Variants in R3HDM2 observed in about 807,000 individuals in gnomAD.
The protein encoded by R3HDM2 is R3H domain containing 2, also known as R3H domain-containing protein 2.
A neutral mutation model predicts 124.5 loss-of-function variants in R3HDM2; 38 were observed. The ratio of observed to expected loss-of-function variants is 0.31; its 90% CI spans 0.24 to 0.40. The LOEUF (loss-of-function observed/expected upper bound fraction) is 0.40, where lower values mean the gene tolerates loss of function less well. R3HDM2 is among the 10% of genes least tolerant of loss of function. R3HDM2 has a pLI of 1.00. For synonymous variants in R3HDM2, 391 were observed against 448.0 expected, an observed-to-expected ratio of 0.87 and a Z score of 1.61; for missense variants, 869 against 1,236.9, an observed-to-expected ratio of 0.70 and a Z score of 4.46.
At chr12:57,310,760 G>C (rs1202538424) in intron 2 of R3HDM2, among the ~76,000 whole-genome samples, 1 of 152,084 alleles carries the variant, frequency 6.6e-6, no homozygotes. Flanking sequence ...TGCCCCAAAG[G>C]TTCCTCATGT....
intron 1 of R3HDM2, among the ~76,000 whole-genome samples, chr12:57,423,848 C>T (rs189619345): frequency 0.014 from 1,885 of 134,664 alleles, 42 homozygotes; most frequent in African/African-American, 0.051. Context: ...GGTGCAGTGG[C>T]TTACACCTGT....
In R3HDM2 at chr12:57,253,798, C is replaced by T. The variant is rs2038122601; in HGVS notation, c.*975G>A. On this transcript the variant is annotated 3_prime_UTR_variant, in exon 24 of 24. Coordinates refer to ENST00000402412, the MANE Select transcript of R3HDM2 (RefSeq NM_001394031.1). ...AGATTTTTTTTTTTATATTTAAAAA[C>T]AAAACCAACCTCCCCCCAAATAACC... 1 of 173,518 alleles carries T rather than the reference C, an allele frequency of 5.8e-6. No homozygotes were observed. The highest frequency in any genetic ancestry group is 1.2e-5 in the Non-Finnish European group (1 of 83,146). 10.7% of individuals were successfully genotyped at this position (173,518 alleles called of 1,614,324 possible).
intron 13 of R3HDM2, 51 bp from the exon 14 acceptor site, chr12:57,280,581 C>A: frequency 6.7e-7 from 1 of 1,493,266 alleles, no homozygotes; most frequent in South Asian, 1.3e-5. Context: ...GCCACGAACA[C>A]ATTATCCCTG....
At chr12:57,265,945 C>G (rs541253516) in intron 19 of R3HDM2, among the ~76,000 whole-genome samples, 1 of 151,654 alleles carries the variant, frequency 6.6e-6, no homozygotes, top group Non-Finnish European at 1.5e-5. Context: ...TACAGATGCA[C>G]GCCACCATGC....
chr12:57,343,906 C>T (rs987244976), intron 2 of R3HDM2, among the ~76,000 whole-genome samples: 1 of 152,010 alleles, frequency 6.6e-6, no homozygotes, highest in East Asian at 1.9e-4. Context: ...AGATGACAGG[C>T]CATTTGTGGT....
In R3HDM2 at chr12:57,295,486, T is replaced by A; in HGVS notation, c.723A>T (p.Glu241Asp). Residue 241 changes from glutamate to aspartate, a missense_variant, in exon 10 of 24, where the codon GAA (glutamate) becomes GAT (aspartate). By Grantham distance (45) the Glu-to-Asp change is conservative. This residue lies in a region of R3HDM2 where 267 missense variants were observed against 447.7 expected (regional missense o/e 0.60). Transcript: ENST00000402412. ...NTRIPEQRFS[E>D]HIKDEKNTEF... Reference sequence around the variant, plus strand: ...CTGTATTCTTCTCATCCTTTATATGTTCTGAGAACCTCTGTTCAGGGCTGA... The same window carrying A: ...CTGTATTCTTCTCATCCTTTATATGATCTGAGAACCTCTGTTCAGGGCTGA... 6.4e-7 allele frequency: 1 copy of A among 1,551,428 alleles called. No homozygotes were observed. The highest frequency in any genetic ancestry group is 1.2e-5 in the South Asian group (1 of 84,050).
At position 57,269,051 on chromosome 12, in the gene R3HDM2, C is replaced by T. The variant is rs748580671; in HGVS notation, c.1746G>A (p.Gln582=). The change falls in exon 17 of 24, where the codon CAG becomes CAA. Residue 582 remains glutamine (Q), a synonymous_variant. Transcript: ENST00000402412. ...GLQPMMPNQQ[Q]AAYQGMIGVQ... Reference sequence around the variant, plus strand: ...CCCCAATCATGCCTTGGTAAGCCGCCTGCTGCTGGTTAGGCATCATGGGCT... The same window carrying T: ...CCCCAATCATGCCTTGGTAAGCCGCTTGCTGCTGGTTAGGCATCATGGGCT... The T allele has an allele frequency of 6.2e-7, 1 of 1,614,230 alleles. No homozygotes were observed. The highest frequency in any genetic ancestry group is 8.5e-7 in the Non-Finnish European group (1 of 1,180,034).
At chr12:57,303,592 C>A (rs1208231124) in intron 3 of R3HDM2, among the ~76,000 whole-genome samples, 5 of 148,436 alleles carry the variant, frequency 3.4e-5, no homozygotes, top group East Asian at 2.0e-4. Flanking sequence ...AAAAAAAAAA[C>A]AAAACCAAAA....
intron 2 of R3HDM2, among the ~76,000 whole-genome samples, chr12:57,339,696 T>TAAAA: frequency 7.6e-6 from 1 of 131,108 alleles, no homozygotes; most frequent in East Asian, 2.2e-4. Context: ...AGACTCCATC[T>TAAAA]AAAAAAAAAA....
In R3HDM2 at chr12:57,258,126, T is replaced by C. The variant is rs1398387582; in HGVS notation, c.2313A>G (p.Gln771=). 1 of 1,560,768 alleles carries C rather than the reference T, an allele frequency of 6.4e-7. No homozygotes were observed. Among genetic ancestry groups the C allele is most frequent in the African/African-American group, 1.3e-5 (1 of 74,522 alleles). The part of the protein sequence containing the change: ...SPDSSPQANT[Q]MSSSPVTSPT... ...GAGATGTGACAGGGCTGCTGCTCATTTGTGTGTTGGCCTGTGGAAAAGAGG... is the reference window on the plus strand; with the variant it reads ...GAGATGTGACAGGGCTGCTGCTCATCTGTGTGTTGGCCTGTGGAAAAGAGG... The change falls in exon 21 of 24, where the codon CAA becomes CAG. Residue 771 remains glutamine (Q), a synonymous_variant. Transcript: ENST00000402412.
chr12:57,418,005 T>C (rs543991734), intron 1 of R3HDM2, among the ~76,000 whole-genome samples: 5 of 152,320 alleles, frequency 3.3e-5, no homozygotes, highest in East Asian at 1.9e-4. Context: ...TTAAACCTTC[T>C]TGTGGAGACT....
At chr12:57,333,464 T>C (rs1404185997) in intron 2 of R3HDM2, among the ~76,000 whole-genome samples, 2 of 151,834 alleles carry the variant, frequency 1.3e-5, no homozygotes, top group Non-Finnish European at 2.9e-5. Context: ...ACAAAGTGGG[T>C]GGATCACCTA....
chr12:57,279,982 T>C (rs1246962068), intron 14 of R3HDM2, among the ~76,000 whole-genome samples: 1 of 152,106 alleles, frequency 6.6e-6, no homozygotes, highest in Admixed American at 6.5e-5. Context: ...CAGATGATGG[T>C]GGAAGTTATA....
In R3HDM2 at chr12:57,430,912, T is replaced by G. The variant is rs1869751707; in HGVS notation, c.-298A>C. 1.2e-5 allele frequency: 1 copy of G among 85,338 alleles called. No homozygotes were observed. Among genetic ancestry groups the G allele is most frequent in the African/African-American group, 4.6e-5 (1 of 21,580 alleles). The allele number at this position is 85,338 out of a possible 1,614,324, so 5.3% of individuals were successfully genotyped here. On this transcript the variant is annotated 5_prime_UTR_variant, in exon 1 of 24. Transcript: ENST00000402412. ...TGGGACGGGGGAGGGGAAAGGGGCT[T>G]GGGAAGGAGGGGGGAGAGGGGAAGA... is the stretch of plus-strand genomic sequence containing the variant.
intron 1 of R3HDM2, among the ~76,000 whole-genome samples, chr12:57,424,489 A>G (rs2070521933): frequency 6.6e-6 from 1 of 152,030 alleles, no homozygotes; most frequent in Non-Finnish European, 1.5e-5. Flanking sequence ...CTACCATTAA[A>G]TTTGGATTGT....
In R3HDM2 at chr12:57,320,261, C is replaced by CAAAAAAAAAAAAAAAAAAAAAAAAAA. The variant is rs56207989; in HGVS notation, c.-35-9824_-35-9799dup. ...GGGCAACAAGAGTGCAACTCTATCT[C>CAAAAAAAAAAAAAAAAAAAAAAAAAA]AAAAAAAAAAAAAAAAAAAAAAAAA... On this transcript the variant is annotated intron_variant, in intron 2 of 23. Transcript: ENST00000402412. Among the ~76,000 whole-genome samples the CAAAAAAAAAAAAAAAAAAAAAAAAAA allele has an allele frequency of 4.9e-4, 7 of 14,282 alleles. 1 individual carries two copies. The highest frequency in any genetic ancestry group is 3.0e-3 in the Admixed American group (2 of 664). 9.4% of individuals were successfully genotyped at this position (14,282 alleles called of 152,430 possible). A position where few individuals can be genotyped will look rare whatever the true frequency, so the allele number is the denominator to read the frequency against.
chr12:57,254,522 A>G lies in R3HDM2; in HGVS notation c.*251T>C, dbSNP rs931440489. The G allele has an allele frequency of 7.0e-6, 3 of 426,026 alleles. No individual in the cohort carries two copies. The highest frequency in any genetic ancestry group is 4.3e-5 in the Admixed American group (1 of 23,110). 26.4% of individuals were successfully genotyped at this position (426,026 alleles called of 1,614,324 possible). ...GTCTCAAAAAAAAAAAAAAAAAAAA[A>G]AAGAAGAGGATGGGAAGAAGAGTGA... is the stretch of plus-strand genomic sequence containing the variant. On this transcript the variant is annotated 3_prime_UTR_variant, in exon 24 of 24. Coordinates refer to ENST00000402412, the MANE Select transcript of R3HDM2 (RefSeq NM_001394031.1).
intron 2 of R3HDM2, among the ~76,000 whole-genome samples, chr12:57,369,574 A>G (rs896782409): frequency 2.0e-5 from 3 of 152,142 alleles, no homozygotes; most frequent in African/African-American, 7.2e-5. Context: ...TAGTCTCCAA[A>G]ATGTAATTTC....
intron 4 of R3HDM2, among the ~76,000 whole-genome samples, chr12:57,302,377 A>G (rs1163873080): frequency 6.6e-6 from 1 of 151,468 alleles, no homozygotes; most frequent in Non-Finnish European, 1.5e-5. Context: ...TAAGGTCAAG[A>G]GTTCGAAGCC....
Sources: gnomAD v4.1 joint callset for allele counts (sites outside exome capture counted in the v4.1 genomes callset) on GRCh38, gnomAD v4.1.1 for gene constraint, gnomAD v4.1.1 regional missense constraint, MANE v1.5 for transcripts, NCBI Gene and HGNC (gene_info 2026-07-23, HGNC 2026-07-21) for gene names.